PRKCQ: variants seen among roughly 807,000 people sequenced by gnomAD.
The protein encoded by PRKCQ is protein kinase C theta.
PRKCQ carries 41 observed loss-of-function variants against 91.2 expected under a neutral mutation model. That is an observed-to-expected ratio of 0.45 (90% CI 0.35 to 0.58). PRKCQ has a LOEUF of 0.58. Ranked by LOEUF, PRKCQ falls within the 20% of genes least tolerant of loss-of-function variation. The pLI is 0.00. For missense variants in PRKCQ, 673 were observed against 896.5 expected (o/e 0.75, Z 3.18); for synonymous variants, 307 against 316.9 (o/e 0.97, Z 0.33).
chr10:6,486,025 A>G lies in PRKCQ; in HGVS notation c.900+10T>C. ...CATGGCGGGAACGTGTCCACGGCAC[A>G]TGCTCCTACCTGTTGAGTGCTCTCA... On this transcript the variant is annotated intron_variant, in intron 9 of 17. Coordinates refer to ENST00000263125, the MANE Select transcript of PRKCQ (RefSeq NM_006257.5). 6.2e-7 allele frequency: 1 copy of G among 1,610,926 alleles called. No homozygotes were observed. Among genetic ancestry groups the G allele is most frequent in the Non-Finnish European group, 8.5e-7 (1 of 1,177,926 alleles).
intron 1 of PRKCQ, among the ~76,000 whole-genome samples, chr10:6,561,096 G>A (rs977304530): frequency 6.6e-6 from 1 of 151,670 alleles, no homozygotes; most frequent in Admixed American, 6.6e-5. Context: ...CTTCCTTGAG[G>A]CTGGGTGCTC....
chr10:6,441,735 G>A (rs1266311043), intron 16 of PRKCQ, among the ~76,000 whole-genome samples, 158 bp downstream of exon 16: 1 of 152,084 alleles, frequency 6.6e-6, no homozygotes, highest in Non-Finnish European at 1.5e-5. Flanking sequence ...CATAATATTG[G>A]TGCCTCTATT....
chr10:6,559,074 T>C (rs528111670), intron 1 of PRKCQ, among the ~76,000 whole-genome samples: 65 of 152,188 alleles, frequency 4.3e-4, no homozygotes, highest in Non-Finnish European at 8.1e-4. Context: ...TTGGCCTATC[T>C]GCTAACATTT....
intron 3 of PRKCQ, 43 bp downstream of exon 3, chr10:6,510,952 A>G: frequency 1.2e-6 from 2 of 1,610,094 alleles, no homozygotes; most frequent in Non-Finnish European, 1.7e-6. Context: ...ATCGGCTACC[A>G]TCATGCTTAT....
At chr10:6,451,346 C>T (rs7910745) in intron 15 of PRKCQ, among the ~76,000 whole-genome samples, 8,811 of 151,786 alleles carry the variant, frequency 0.058, 616 homozygotes, top group East Asian at 0.36. Context: ...ATAAATTCCT[C>T]GACATATACA....
At chr10:6,452,825 G>C (rs1490137395) in intron 15 of PRKCQ, among the ~76,000 whole-genome samples, 1 of 122,802 alleles carries the variant, frequency 8.1e-6, no homozygotes, top group Non-Finnish European at 1.7e-5. Flanking sequence ...AATGGGGAAA[G>C]GATTCCCTAT....
chr10:6,491,577 G>A (rs45611038), intron 8 of PRKCQ, 106 bp downstream of exon 8: 31,206 of 1,442,700 alleles, frequency 0.022, 416 homozygotes, highest in Middle Eastern at 0.048. Flanking sequence ...TCTGGGCTGG[G>A]TGTGGAAGTG....
chr10:6,422,128 GA>G, the PRKCQ span, among the ~76,000 whole-genome samples: 3 of 152,178 alleles, frequency 2.0e-5, no homozygotes, highest in East Asian at 5.8e-4. Context: ...TTTTTCCTAT[GA>G]AAGAGGTCTC....
intron 8 of PRKCQ, among the ~76,000 whole-genome samples, chr10:6,491,437 T>C (rs143074927): frequency 1.2e-4 from 19 of 152,302 alleles, no homozygotes; most frequent in Non-Finnish European, 2.5e-4. Flanking sequence ...GTGATGGAGC[T>C]AGGAGTTTGA....
At chr10:6,425,766 G>GAAAC (rs779176116), downstream of PRKCQ, among the ~76,000 whole-genome samples, 8 of 152,080 alleles carry the variant, frequency 5.3e-5, no homozygotes, top group Non-Finnish European at 1.2e-4. Context: ...ACCAGCCTAG[G>GAAAC]AAACATAGGG....
chr10:6,429,898 T>A (rs1401382903), intron 17 of PRKCQ, among the ~76,000 whole-genome samples: 2 of 152,010 alleles, frequency 1.3e-5, no homozygotes, highest in Non-Finnish European at 2.9e-5. Context: ...CCCACTTAAT[T>A]TTGTAGAGAT....
At chr10:6,424,891 T>TAA, downstream of PRKCQ, among the ~76,000 whole-genome samples, 1 of 152,190 alleles carries the variant, frequency 6.6e-6, no homozygotes, top group Non-Finnish European at 1.5e-5. Flanking sequence ...TACCCTGAGG[T>TAA]AAAGTTCTCA....
At chr10:6,462,642 A>G (rs1835416528) in intron 13 of PRKCQ, among the ~76,000 whole-genome samples, 2 of 152,204 alleles carry the variant, frequency 1.3e-5, no homozygotes, top group African/African-American at 4.8e-5. Flanking sequence ...TATTTTAAAC[A>G]ATAATGCTCA....
intron 8 of PRKCQ, among the ~76,000 whole-genome samples, chr10:6,488,514 T>C (rs1832444316): frequency 6.6e-6 from 1 of 151,738 alleles, no homozygotes; most frequent in Non-Finnish European, 1.5e-5. Context: ...GCCTCCTGAG[T>C]AGCTGGGATT....
intron 4 of PRKCQ, among the ~76,000 whole-genome samples, chr10:6,500,562 GTTA>G (rs2130828274): frequency 6.6e-6 from 1 of 151,748 alleles, no homozygotes; most frequent in South Asian, 2.1e-4. Flanking sequence ...TTAATACCCT[GTTA>G]TTTTCTGTGA....
chr10:6,441,803 C>G (rs919451442), intron 16 of PRKCQ, 90 bp downstream of exon 16: 9 of 1,319,916 alleles, frequency 6.8e-6, no homozygotes, highest in Admixed American at 2.4e-5. Flanking sequence ...CATTGTTTGC[C>G]ACATGCAAGT....
chr10:6,493,776 C>A (rs1157759507), intron 7 of PRKCQ, among the ~76,000 whole-genome samples: 1 of 152,294 alleles, frequency 6.6e-6, no homozygotes, highest in East Asian at 1.9e-4. Context: ...AGCTCTGCCA[C>A]GTACAGGTGA....
intron 1 of PRKCQ, among the ~76,000 whole-genome samples, chr10:6,526,710 C>T (rs1436552836): frequency 6.6e-6 from 1 of 152,116 alleles, no homozygotes; most frequent in Admixed American, 6.5e-5. Flanking sequence ...GTGGGTGTGC[C>T]CATGGGGCTG....
chr10:6,456,939 T>G lies in PRKCQ; in HGVS notation c.1509-127A>C, dbSNP rs1209318247. On this transcript the variant is annotated intron_variant, in intron 14 of 17. Transcript: ENST00000263125. Reference sequence around the variant, plus strand: ...GGGGCTCACGAGAGGCGCTTATGTATCTATCCACTTGCACACCAAGTGGGG... The same window carrying G: ...GGGGCTCACGAGAGGCGCTTATGTAGCTATCCACTTGCACACCAAGTGGGG... 4 of 914,274 alleles carry G rather than the reference T, an allele frequency of 4.4e-6. No homozygotes were observed. In the African/African-American group the frequency reaches 6.7e-5, roughly 15 times the overall value. 56.6% of individuals were successfully genotyped at this position (914,274 alleles called of 1,614,324 possible). A position where few individuals can be genotyped will look rare whatever the true frequency, so the allele number is the denominator to read the frequency against.
Sources: gnomAD v4.1 joint callset for allele counts (sites outside exome capture counted in the v4.1 genomes callset) on GRCh38, gnomAD v4.1.1 for gene constraint, MANE v1.5 for transcripts, NCBI Gene and HGNC (gene_info 2026-07-23, HGNC 2026-07-21) for gene names.